SWT1: variants seen among roughly 807,000 people sequenced by gnomAD.
SWT1 encodes SWT1 RNA endoribonuclease homolog.
In SWT1, 33 loss-of-function variants were observed where a neutral mutation model predicts 107.3. The ratio of observed to expected loss-of-function variants is 0.31; its 90% CI spans 0.23 to 0.41. SWT1 has a LOEUF of 0.41. Among genes scored for constraint, SWT1 ranks in the 10% least tolerant of loss-of-function variants. SWT1 has a pLI of 1.00. For missense variants in SWT1, 898 were observed against 1,028.9 expected, an observed-to-expected ratio of 0.87 and a Z score of 1.74; for synonymous variants, 345 against 348.3, an observed-to-expected ratio of 0.99 and a Z score of 0.11.
rs564132031 is a variant in SWT1, at chr1:185,217,444, G to A, written c.2121+2789G>A. Among the ~76,000 whole-genome samples the A allele has an allele frequency of 8.5e-5, 13 of 152,268 alleles. No individual in the cohort carries two copies. The South Asian group carries it at 1.0e-3, about 12-fold the overall frequency. On this transcript the variant is annotated intron_variant, in intron 14 of 18. Transcript: ENST00000367500. ...ACCCTATTGTGAACTGTGCATACAA[G>A]GGATCTGGGTTGCATGTTCCTTATG...
In SWT1 at chr1:185,211,990, G is replaced by A. The variant is rs536709397; in HGVS notation, c.1973-2517G>A. On this transcript the variant is annotated intron_variant, in intron 13 of 18. Transcript: ENST00000367500. ...CAAACACTACATGTTCTCACTCATA[G>A]GTGGGAATTGAACAATGAGAACACG... Among the ~76,000 whole-genome samples, 10 of 152,180 alleles carry A rather than the reference G, an allele frequency of 6.6e-5. No individual in the cohort carries two copies. The South Asian group carries it at 1.5e-3, about 22-fold the overall frequency.
At chr1:185,285,530 A>T (rs1181726595) in intron 18 of SWT1, among the ~76,000 whole-genome samples, 2 of 152,124 alleles carry the variant, frequency 1.3e-5, no homozygotes, top group African/African-American at 4.8e-5. Flanking sequence ...TGGTGCACAA[A>T]AGTTTTTAAT....
Position 185,290,869 on chromosome 1 carries a change from G to C in SWT1, c.*66G>C. ...AGAATAACAGAGTAGTTTTCAATCT[G>C]GTCACTCTTTTGGGCCAAACCCAAG... On this transcript the variant is annotated 3_prime_UTR_variant, in exon 19 of 19. Transcript: ENST00000367500. 7.0e-7 allele frequency: 1 copy of C among 1,430,744 alleles called. No individual in the cohort carries two copies. The highest frequency in any genetic ancestry group is 9.5e-7 in the Non-Finnish European group (1 of 1,051,906). The allele number at this position is 1,430,744 out of a possible 1,614,324, so 88.6% of individuals were successfully genotyped here.
chr1:185,188,220 G>A (rs1171247774), intron 9 of SWT1, among the ~76,000 whole-genome samples: 3 of 152,114 alleles, frequency 2.0e-5, no homozygotes, highest in African/African-American at 4.8e-5. Flanking sequence ...GTGCTCAAAA[G>A]TATTTATTGA....
chr1:185,265,047 C>T (rs1663276123), intron 16 of SWT1, among the ~76,000 whole-genome samples: 1 of 152,074 alleles, frequency 6.6e-6, no homozygotes, highest in Non-Finnish European at 1.5e-5. Context: ...CCACCACCAA[C>T]TTAAAAAATA....
rs1265116602 is a variant in SWT1, at chr1:185,261,116, A to G, written c.2442-10207A>G. On this transcript the variant is annotated intron_variant, in intron 16 of 18. Coordinates refer to ENST00000367500, the MANE Select transcript of SWT1 (RefSeq NM_017673.7). ...TCTTGTGCTGCTGTCACCACTATCT[A>G]TCCACAGAATTCTTTTCATCTCGTA... Among the ~76,000 whole-genome samples the G allele has an allele frequency of 2.0e-5, 3 of 152,124 alleles. No homozygotes were observed. The East Asian group carries it at 5.8e-4, about 29-fold the overall frequency.
intron 10 of SWT1, among the ~76,000 whole-genome samples, chr1:185,199,092 C>CA (rs1444265025): frequency 6.6e-6 from 1 of 152,046 alleles, no homozygotes; most frequent in Non-Finnish European, 1.5e-5. Context: ...CACACACCAC[C>CA]ATGCCTGGCT....
chr1:185,174,063 G>GT (rs1429734937), intron 4 of SWT1, among the ~76,000 whole-genome samples: 1 of 151,864 alleles, frequency 6.6e-6, no homozygotes, highest in Non-Finnish European at 1.5e-5. Flanking sequence ...TTCCTCACTG[G>GT]TTTTTAAGGG....
intron 15 of SWT1, among the ~76,000 whole-genome samples, chr1:185,228,975 G>A (rs562405253): frequency 1.3e-5 from 2 of 152,278 alleles, no homozygotes; most frequent in South Asian, 4.1e-4. Context: ...GATGAAGTAG[G>A]GAGGTACAGT....
rs74410240 is a variant in SWT1 at position 185,247,696 on chromosome 1, T to C, written c.2441+15988T>C. Among the ~76,000 whole-genome samples, 841 of 152,286 alleles carry C rather than the reference T, an allele frequency of 5.5e-3. 35 individuals are homozygous for C. The East Asian group carries it at 0.093, about 17-fold the overall frequency. ...ATAAAGAAGGCTGAGTGCATTGTTC[T>C]CCAGACCTGCACTTTGCTTCAGTAT... is the stretch of plus-strand genomic sequence containing the variant. On this transcript the variant is annotated intron_variant, in intron 16 of 18. Coordinates refer to ENST00000367500, the MANE Select transcript of SWT1 (RefSeq NM_017673.7).
At chr1:185,171,010 T>C (rs1443252503) in intron 4 of SWT1, among the ~76,000 whole-genome samples, 1 of 152,204 alleles carries the variant, frequency 6.6e-6, no homozygotes, top group Non-Finnish European at 1.5e-5. Context: ...CCAGAGACGA[T>C]TGACAGTCAC....
At chr1:185,273,439 A>T (rs962545491) in intron 17 of SWT1, among the ~76,000 whole-genome samples, 1 of 151,952 alleles carries the variant, frequency 6.6e-6, no homozygotes, top group African/African-American at 2.4e-5. Flanking sequence ...GCGGTGGCTC[A>T]TGCCTGTAAT....
At chr1:185,161,397 A>G (rs1165622571) in intron 2 of SWT1, among the ~76,000 whole-genome samples, 1 of 152,136 alleles carries the variant, frequency 6.6e-6, no homozygotes, top group African/African-American at 2.4e-5. Context: ...CTGTTCTCTC[A>G]GACACTACCT....
chr1:185,170,819 A>G (rs901636500), intron 4 of SWT1, among the ~76,000 whole-genome samples: 1 of 152,216 alleles, frequency 6.6e-6, no homozygotes, highest in African/African-American at 2.4e-5. Context: ...AAGGATTAGT[A>G]TACATAATTG....
intron 16 of SWT1, among the ~76,000 whole-genome samples, chr1:185,257,530 A>T (rs1351148992): frequency 2.6e-5 from 4 of 152,140 alleles, no homozygotes; most frequent in Non-Finnish European, 5.9e-5. Context: ...TTCGGGTGGG[A>T]GTGACCCGAT....
chr1:185,195,929 A>C (rs967310617), intron 10 of SWT1, among the ~76,000 whole-genome samples: 10 of 152,126 alleles, frequency 6.6e-5, no homozygotes, highest in Non-Finnish European at 1.3e-4. Context: ...AAAATTTCTC[A>C]CATTCTGTAG....
rs1357472554 is a variant in SWT1 at position 185,160,339 on chromosome 1, TA to T, written c.-9-492del. On this transcript the variant is annotated intron_variant, in intron 1 of 18. Transcript: ENST00000367500. ...GATGAAGCTGAAGGAGAGGAGTGGGTAATTTTGAAGGAGAATGAAAGTGAAG... is the reference window on the plus strand; with the variant it reads ...GATGAAGCTGAAGGAGAGGAGTGGGTATTTTGAAGGAGAATGAAAGTGAAG... 2.6e-5 allele frequency among the ~76,000 whole-genome samples: 4 copies of T among 152,116 alleles called. No homozygotes were observed. The East Asian group carries it at 7.7e-4, about 29-fold the overall frequency.
intron 5 of SWT1, 68 bp downstream of exon 5, chr1:185,175,181 T>C (rs1318514417): frequency 1.7e-6 from 2 of 1,199,322 alleles, no homozygotes; most frequent in African/African-American, 1.6e-5. Flanking sequence ...AAGTTTTTTC[T>C]GTATTTCTAT....
intron 14 of SWT1, among the ~76,000 whole-genome samples, chr1:185,218,947 T>C (rs1659429118): frequency 6.6e-6 from 1 of 152,224 alleles, no homozygotes; most frequent in South Asian, 2.1e-4. Flanking sequence ...CTATGTAGTA[T>C]TTGATAAAGA....
Sources: gnomAD v4.1 joint callset for allele counts (sites outside exome capture counted in the v4.1 genomes callset) on GRCh38, gnomAD v4.1.1 for gene constraint, MANE v1.5 for transcripts, NCBI Gene and HGNC (gene_info 2026-07-23, HGNC 2026-07-21) for gene names.